The following DYNC2H1 variants were observed in gnomAD, a reference collection of about 807,000 sequenced individuals.
DYNC2H1 encodes the protein cytoplasmic dynein 2 heavy chain 1.
In DYNC2H1, 410 loss-of-function variants were observed where a neutral mutation model predicts 570.0. The ratio of observed to expected loss-of-function variants is 0.72; its 90% CI spans 0.66 to 0.78. The LOEUF (loss-of-function observed/expected upper bound fraction) is 0.78, where lower values mean the gene tolerates loss of function less well. DYNC2H1 is among the 30% of genes least tolerant of loss of function. The pLI, the probability that DYNC2H1 is intolerant of heterozygous loss-of-function variation, is 0.00. For missense variants in DYNC2H1, 4,865 were observed against 5,046.4 expected (o/e 0.96, Z 1.09); for synonymous variants, 1,688 against 1,677.6 (o/e 1.01, Z -0.15).
Position 103,170,836 on chromosome 11 carries a change from G to T in DYNC2H1, c.5152-50G>T. ...TAACATTAAATATTAAGTAGTTATG[G>T]AGATTTTGATTATTTTTTAATGACT... On this transcript the variant is annotated intron_variant, in intron 33 of 88. Transcript: ENST00000375735. This position sits in a 1 kb window ranked among gnomAD's most constrained non-coding sequence, Gnocchi z 4.8. 3.0e-6 allele frequency: 4 copies of T among 1,348,234 alleles called. No individual in the cohort carries two copies. The highest frequency in any genetic ancestry group is 3.9e-6 in the Non-Finnish European group (4 of 1,028,964). 83.5% of individuals were successfully genotyped at this position (1,348,234 alleles called of 1,614,324 possible).
chr11:103,316,735 T>A (rs1369780526), intron 80 of DYNC2H1, 115 bp downstream of exon 80: 7 of 735,324 alleles, frequency 9.5e-6, no homozygotes, highest in African/African-American at 1.9e-5. Context: ...TTGCTTGTGC[T>A]TTTTATTTTA....
intron 70 of DYNC2H1, among the ~76,000 whole-genome samples, chr11:103,269,119 A>G (rs1264493070): frequency 6.6e-6 from 1 of 152,164 alleles, no homozygotes; most frequent in Non-Finnish European, 1.5e-5. Context: ...GGGATTTTTC[A>G]TTGCTTACTT....
At chr11:103,302,602 A>G (rs1410939025) in intron 75 of DYNC2H1, among the ~76,000 whole-genome samples, 1 of 152,082 alleles carries the variant, frequency 6.6e-6, no homozygotes, top group East Asian at 1.9e-4. Flanking sequence ...TTTTTGGCCT[A>G]TATCATGCCA....
Position 103,235,817 on chromosome 11 carries a change from T to G in DYNC2H1, c.9709+4T>G. On this transcript the variant is annotated splice_donor_region_variant and intron_variant, in intron 62 of 88. Coordinates refer to ENST00000375735, the MANE Select transcript of DYNC2H1 (RefSeq NM_001377.3). ...ACCAAGTCAGCTGGTCTTGAGAGTT[T>G]GTATTTAGTTATTCCTGATCTTGAG... is the stretch of plus-strand genomic sequence containing the variant. The G allele has an allele frequency of 6.2e-7, 1 of 1,610,554 alleles. No homozygotes were observed. Among genetic ancestry groups the G allele is most frequent in the Non-Finnish European group, 8.5e-7 (1 of 1,177,782 alleles).
rs1443726179 is a variant in DYNC2H1 at position 103,446,895 on chromosome 11, G to T, written c.12457-8291G>T. Among the ~76,000 whole-genome samples, 3 of 151,956 alleles carry T rather than the reference G, an allele frequency of 2.0e-5. No individual in the cohort carries two copies. Among genetic ancestry groups the T allele is most frequent in the Admixed American group, 2.0e-4 (3 of 15,262 alleles). On this transcript the variant is annotated intron_variant, in intron 85 of 88. Transcript: ENST00000375735. This position sits in a 1 kb window ranked among gnomAD's most constrained non-coding sequence, Gnocchi z 4.5. ...AAATTATTATTAATAATTAAGAGGA[G>T]ACCTATAAGTAGGTGGACATTATAA...
At chr11:103,355,733 A>G (rs182714916) in intron 82 of DYNC2H1, among the ~76,000 whole-genome samples, 156 of 152,140 alleles carry the variant, frequency 1.0e-3, no homozygotes, top group African/African-American at 3.6e-3. Context: ...TTTTTTAGAG[A>G]TGGGGTCTTG....
At chr11:103,338,428 G>A (rs72977633) in intron 82 of DYNC2H1, among the ~76,000 whole-genome samples, 7,849 of 152,156 alleles carry the variant, frequency 0.052, 257 homozygotes, top group Non-Finnish European at 0.075. Context: ...TGATATTTTG[G>A]TAGGGATTGC....
intron 83 of DYNC2H1, among the ~76,000 whole-genome samples, chr11:103,367,231 T>A (rs1305501763): frequency 6.6e-6 from 1 of 152,098 alleles, no homozygotes; most frequent in East Asian, 1.9e-4. Flanking sequence ...ATGAGTTTTT[T>A]AAAAAATGTA....
intron 82 of DYNC2H1, among the ~76,000 whole-genome samples, chr11:103,335,816 A>G (rs1939093051): frequency 6.6e-6 from 1 of 152,126 alleles, no homozygotes; most frequent in African/African-American, 2.4e-5. Context: ...TTTATGGTAA[A>G]CATTTTATGT....
At chr11:103,466,105 C>CA (rs111585825) in intron 87 of DYNC2H1, among the ~76,000 whole-genome samples, 4 of 151,308 alleles carry the variant, frequency 2.6e-5, no homozygotes, top group Non-Finnish European at 5.9e-5. Context: ...TAATGTAACA[C>CA]AAAAAAAACA....
rs10570242 is a variant in DYNC2H1 at position 103,461,726 on chromosome 11, GTTT to G, written c.12648+5380_12648+5382del. Among the ~76,000 whole-genome samples, 3 of 149,796 alleles carry G rather than the reference GTTT, an allele frequency of 2.0e-5. No individual in the cohort carries two copies. The highest frequency in any genetic ancestry group is 2.4e-5 in the African/African-American group (1 of 41,034). On this transcript the variant is annotated intron_variant, in intron 87 of 88. Coordinates refer to ENST00000375735, the MANE Select transcript of DYNC2H1 (RefSeq NM_001377.3). This position sits in a 1 kb window ranked among gnomAD's most constrained non-coding sequence, Gnocchi z 4.8. The stretch of plus-strand genomic sequence containing the variant: ...ATGTAAACATCCTTTGGTCTTCAAG[GTTT>G]TTTTTTTTTAATAATGTTTAATACT...
At chr11:103,125,351 A>G (rs1303749508) in intron 12 of DYNC2H1, 56 bp downstream of exon 12, 1 of 1,147,062 alleles carries the variant, frequency 8.7e-7, no homozygotes, top group Middle Eastern at 2.3e-4. Flanking sequence ...ACGTTAAACT[A>G]GAATATGCTA....
At chr11:103,389,660 T>G (rs1942048488) in intron 83 of DYNC2H1, among the ~76,000 whole-genome samples, 1 of 151,880 alleles carries the variant, frequency 6.6e-6, no homozygotes, top group Non-Finnish European at 1.5e-5. Flanking sequence ...CTCTACACAC[T>G]GCTTTGAATG....
Position 103,446,083 on chromosome 11 carries a change from A to C in DYNC2H1, c.12457-9103A>C. 6.7e-6 allele frequency among the ~76,000 whole-genome samples: 1 copy of C among 148,774 alleles called. No homozygotes were observed. The highest frequency in any genetic ancestry group is 2.5e-5 in the African/African-American group (1 of 40,716). On this transcript the variant is annotated intron_variant, in intron 85 of 88. Transcript: ENST00000375735. This position sits in a 1 kb window ranked among gnomAD's most constrained non-coding sequence, Gnocchi z 4.5. ...GTTGTTGTTGTTTAGGGAGGAGGGGAGTGGTCTTGCAAATTAAAAGTTCTA... is the reference window on the plus strand; with the variant it reads ...GTTGTTGTTGTTTAGGGAGGAGGGGCGTGGTCTTGCAAATTAAAAGTTCTA...
chr11:103,403,569 G>A (rs1026912404), intron 84 of DYNC2H1: 2 of 152,034 alleles, frequency 1.3e-5, no homozygotes, highest in Non-Finnish European at 2.9e-5. Flanking sequence ...TAAAACCGTG[G>A]TTAGACCCAC....
At chr11:103,437,376 C>A (rs1352919531) in intron 85 of DYNC2H1, among the ~76,000 whole-genome samples, 1 of 152,074 alleles carries the variant, frequency 6.6e-6, no homozygotes, top group African/African-American at 2.4e-5. Flanking sequence ...GTTCTTCTGT[C>A]TTTTCATCTT....
intron 79 of DYNC2H1, among the ~76,000 whole-genome samples, chr11:103,314,061 A>G (rs1264294239): frequency 6.6e-6 from 1 of 152,168 alleles, no homozygotes; most frequent in Non-Finnish European, 1.5e-5. Context: ...TTACATTAAA[A>G]ATTTAGATTT....
chr11:103,185,423 A>C lies in DYNC2H1; in HGVS notation c.6633+372A>C, dbSNP rs550714007. Among the ~76,000 whole-genome samples the C allele has an allele frequency of 2.6e-5, 4 of 151,966 alleles. No homozygotes were observed. Among genetic ancestry groups the C allele is most frequent in the Admixed American group, 6.6e-5 (1 of 15,198 alleles). On this transcript the variant is annotated intron_variant, in intron 41 of 88. Coordinates refer to ENST00000375735, the MANE Select transcript of DYNC2H1 (RefSeq NM_001377.3). The surrounding 1 kb of genome is among the most constrained non-coding windows in gnomAD (Gnocchi z 4.5). ...AACTAGAGCAGTTTTAGGAATTGGG[A>C]ATATTAGGATGAATTAATTATTAAT...
chr11:103,393,289 T>G (rs1942251194), intron 83 of DYNC2H1, among the ~76,000 whole-genome samples: 1 of 152,232 alleles, frequency 6.6e-6, no homozygotes, highest in Non-Finnish European at 1.5e-5. Flanking sequence ...TATCATGGTC[T>G]GTGTTAGGCC....
Sources: gnomAD v4.1 joint callset for allele counts (sites outside exome capture counted in the v4.1 genomes callset) on GRCh38, gnomAD v4.1.1 for gene constraint, Gnocchi (gnomAD v3.1) non-coding constraint, MANE v1.5 for transcripts, NCBI Gene and HGNC (gene_info 2026-07-23, HGNC 2026-07-21) for gene names.